Variants in RBM25 observed in about 807,000 individuals in gnomAD.
RBM25 encodes RNA binding motif protein 25.
In RBM25, 19 loss-of-function variants were observed where a neutral mutation model predicts 120.7. The observed-to-expected ratio is 0.16, with a 90% CI of 0.11 to 0.23. The LOEUF (loss-of-function observed/expected upper bound fraction) is 0.23. Ranked by LOEUF, RBM25 falls within the 10% of genes least tolerant of loss-of-function variation. RBM25 has a pLI of 1.00. For missense variants in RBM25, 605 were observed against 1,041.5 expected, an observed-to-expected ratio of 0.58 and a Z score of 5.77; for synonymous variants, 390 against 326.7, an observed-to-expected ratio of 1.19 and a Z score of -2.09.
chr14:73,120,705 A>G lies in RBM25; in HGVS notation c.*900A>G, dbSNP rs1896524698. The G allele has an allele frequency of 6.6e-6, 1 of 152,188 alleles. No individual in the cohort carries two copies. The highest frequency in any genetic ancestry group is 6.5e-5 in the Admixed American group (1 of 15,282). The allele number at this position is 152,188 out of a possible 1,614,324, so 9.4% of individuals were successfully genotyped here. ...TTGGTCCTTAGTTTAATTCTATTGTATCTGTTTATTTAACAAAAAATTCAT... is the reference window on the plus strand; with the variant it reads ...TTGGTCCTTAGTTTAATTCTATTGTGTCTGTTTATTTAACAAAAAATTCAT... On this transcript the variant is annotated 3_prime_UTR_variant, in exon 19 of 19. Transcript: ENST00000261973.
In RBM25 at chr14:73,122,948, G is replaced by C. The variant is rs1896561503; in HGVS notation, c.*3143G>C. 1 of 152,148 alleles carries C rather than the reference G, an allele frequency of 6.6e-6. No individual in the cohort carries two copies. Among genetic ancestry groups the C allele is most frequent in the Admixed American group, 6.6e-5 (1 of 15,258 alleles). 9.4% of individuals were successfully genotyped at this position (152,148 alleles called of 1,614,324 possible). On this transcript the variant is annotated 3_prime_UTR_variant, in exon 19 of 19. Coordinates refer to ENST00000261973, the MANE Select transcript of RBM25 (RefSeq NM_021239.3). ...AATTTTCCTTTAAGTAGATTTTAAA[G>C]AGAAAAACATTTTTTGAGGCAAATA...
At chr14:73,103,797 G>A (rs1345804327) in intron 10 of RBM25, among the ~76,000 whole-genome samples, 1 of 151,758 alleles carries the variant, frequency 6.6e-6, no homozygotes, top group Non-Finnish European at 1.5e-5. Flanking sequence ...CAAGTGATCC[G>A]CCTGCCTCAG....
At chr14:73,096,846 CTT>C (rs1424834997) in intron 6 of RBM25, 67 bp from the exon 7 acceptor site, 28 of 1,352,862 alleles carry the variant, frequency 2.1e-5, no homozygotes, top group Non-Finnish European at 2.8e-5. Flanking sequence ...TTTATTAACT[CTT>C]GTTGTAGAGT....
At chr14:73,096,791 T>A (rs1350465150) in intron 6 of RBM25, 124 bp from the exon 7 acceptor site, 1 of 734,390 alleles carries the variant, frequency 1.4e-6, no homozygotes, top group Non-Finnish European at 2.2e-6. Context: ...AAACCAATTC[T>A]GTGTTTAATA....
intron 6 of RBM25, among the ~76,000 whole-genome samples, chr14:73,095,152 C>G (rs1895913458): frequency 6.6e-6 from 1 of 151,968 alleles, no homozygotes; most frequent in Non-Finnish European, 1.5e-5. Context: ...CGAGCCCTGC[C>G]AAGTGGTTAG....
At chr14:73,064,639 C>T (rs889580357) in intron 1 of RBM25, among the ~76,000 whole-genome samples, 1 of 151,188 alleles carries the variant, frequency 6.6e-6, no homozygotes, top group Non-Finnish European at 1.5e-5. Context: ...GTGATCCGCC[C>T]GCCTCAGCCT....
chr14:73,121,251 C>A lies in RBM25; in HGVS notation c.*1446C>A, dbSNP rs1896536552. 6.6e-6 allele frequency: 1 copy of A among 151,754 alleles called. No individual in the cohort carries two copies. Among genetic ancestry groups the A allele is most frequent in the South Asian group, 2.1e-4 (1 of 4,804 alleles). 9.4% of individuals were successfully genotyped at this position (151,754 alleles called of 1,614,324 possible). ...GGACATTTGAAAACACTGTTCTTAC[C>A]CTCGAACCCTGATGTGGTTCCATTA... On this transcript the variant is annotated 3_prime_UTR_variant, in exon 19 of 19. Coordinates refer to ENST00000261973, the MANE Select transcript of RBM25 (RefSeq NM_021239.3).
chr14:73,112,446 T>C (rs1460026243), intron 17 of RBM25, among the ~76,000 whole-genome samples, 196 bp downstream of exon 17: 1 of 152,152 alleles, frequency 6.6e-6, no homozygotes, highest in Non-Finnish European at 1.5e-5. Context: ...GATGCAGATT[T>C]ATGTCTGCTT....
At chr14:73,068,141 G>T (rs1238629977) in intron 1 of RBM25, 5 of 813,426 alleles carry the variant, frequency 6.1e-6, no homozygotes, top group Non-Finnish European at 1.0e-5. Context: ...GTTGGTCCTA[G>T]ATGGCTGCTT....
chr14:73,100,468 A>G (rs1467473753), intron 9 of RBM25: 2 of 492,034 alleles, frequency 4.1e-6, no homozygotes, highest in Non-Finnish European at 7.3e-6. Flanking sequence ...AGTAAATCCC[A>G]CTCACGAGTT....
intron 6 of RBM25, among the ~76,000 whole-genome samples, chr14:73,095,668 G>A (rs901026574): frequency 6.6e-6 from 1 of 151,976 alleles, no homozygotes; most frequent in Non-Finnish European, 1.5e-5. Context: ...TGTTGAATAC[G>A]TATCCATTGG....
intron 6 of RBM25, among the ~76,000 whole-genome samples, chr14:73,092,689 C>T (rs748468117): frequency 1.4e-4 from 21 of 151,430 alleles, no homozygotes; most frequent in Non-Finnish European, 2.8e-4. Context: ...CGTCATTTAA[C>T]ATTAGGTATA....
At chr14:73,114,422 A>G in intron 18 of RBM25, 89 bp downstream of exon 18, 1 of 935,792 alleles carries the variant, frequency 1.1e-6, no homozygotes, top group Non-Finnish European at 1.6e-6. Context: ...GGGTCTCACC[A>G]CGTTGCCCAG....
chr14:73,061,744 T>A (rs1281773192), intron 1 of RBM25, among the ~76,000 whole-genome samples: 1 of 151,140 alleles, frequency 6.6e-6, no homozygotes, highest in African/African-American at 2.4e-5. Context: ...TTTTTTGTAT[T>A]TTTGGTAGAG....
intron 4 of RBM25, among the ~76,000 whole-genome samples, chr14:73,078,101 G>A (rs1454329805): frequency 1.3e-5 from 2 of 152,044 alleles, no homozygotes; most frequent in South Asian, 2.1e-4. Context: ...TCAGGAGTTC[G>A]AGACCAGCCT....
chr14:73,113,638 C>G (rs918819844), intron 17 of RBM25, among the ~76,000 whole-genome samples: 24 of 151,906 alleles, frequency 1.6e-4, no homozygotes, highest in Admixed American at 5.9e-4. Flanking sequence ...TTGAAGTGAG[C>G]TGTGATTGCG....
At chr14:73,085,797 T>G (rs1895672158) in intron 5 of RBM25, among the ~76,000 whole-genome samples, 1 of 152,188 alleles carries the variant, frequency 6.6e-6, no homozygotes, top group Non-Finnish European at 1.5e-5. Flanking sequence ...TGGCTTGCTT[T>G]CTTAAAACAA....
intron 13 of RBM25, among the ~76,000 whole-genome samples, chr14:73,108,689 TTAA>T (rs1476318336): frequency 6.6e-6 from 1 of 152,232 alleles, no homozygotes; most frequent in Non-Finnish European, 1.5e-5. Flanking sequence ...GTGAAGATAT[TTAA>T]TATAGTTAAA....
At chr14:73,118,583 G>A (rs1447254861) in intron 18 of RBM25, among the ~76,000 whole-genome samples, 1 of 151,990 alleles carries the variant, frequency 6.6e-6, no homozygotes, top group East Asian at 1.9e-4. Flanking sequence ...AAATTACTGT[G>A]TTCTTTATGA....
Sources: gnomAD v4.1 joint callset for allele counts (sites outside exome capture counted in the v4.1 genomes callset) on GRCh38, gnomAD v4.1.1 for gene constraint, MANE v1.5 for transcripts, NCBI Gene and HGNC (gene_info 2026-07-23, HGNC 2026-07-21) for gene names.